The following SDK1 variants were observed in gnomAD, a reference collection of about 807,000 sequenced individuals.
SDK1 encodes the protein protein sidekick-1.
SDK1 carries 157 observed loss-of-function variants against 245.5 expected under a neutral mutation model. That is an observed-to-expected ratio of 0.64 (90% CI 0.56 to 0.73). The LOEUF is 0.73. SDK1 is among the 30% of genes least tolerant of loss of function. SDK1 has a pLI of 0.00. For synonymous variants in SDK1, 1,647 were observed against 1,278.5 expected (o/e 1.29, Z -6.15); for missense variants, 3,583 against 3,002.3 (o/e 1.19, Z -4.52).
At chr7:3,640,600 T>C (rs1412485560) in intron 3 of SDK1, among the ~76,000 whole-genome samples, 2 of 152,226 alleles carry the variant, frequency 1.3e-5, no homozygotes, top group East Asian at 3.8e-4. Context: ...TAAGAAGAGC[T>C]TCAAAATTAT....
Position 3,951,940 on chromosome 7 carries a change from G to C in SDK1, c.1150+20G>C. The C allele has an allele frequency of 1.9e-6, 3 of 1,604,190 alleles. No homozygotes were observed. The highest frequency in any genetic ancestry group is 2.5e-6 in the Non-Finnish European group (3 of 1,177,214). The stretch of plus-strand genomic sequence containing the variant: ...TCATAGGTAATGCGGGAGCCTCTAA[G>C]TGGTGTTGCCAGCATCTCAGATAGC... On this transcript the variant is annotated intron_variant, in intron 7 of 44. Transcript: ENST00000404826.
At chr7:4,246,310 C>G (rs1169791507) in intron 44 of SDK1, among the ~76,000 whole-genome samples, 3 of 152,062 alleles carry the variant, frequency 2.0e-5, no homozygotes, top group Non-Finnish European at 4.4e-5. Flanking sequence ...TCATGTAGTC[C>G]CGGGGTAACT....
intron 4 of SDK1, among the ~76,000 whole-genome samples, chr7:3,701,261 T>C (rs1393684032): frequency 6.6e-6 from 1 of 152,202 alleles, no homozygotes; most frequent in Non-Finnish European, 1.5e-5. Flanking sequence ...TGTTGAAAAC[T>C]ACAAAATACC....
chr7:4,141,176 A>C (rs1471996247), intron 28 of SDK1, among the ~76,000 whole-genome samples: 1 of 152,226 alleles, frequency 6.6e-6, no homozygotes, highest in Non-Finnish European at 1.5e-5. Flanking sequence ...GGGCAAGTGC[A>C]TAACCACATG....
intron 5 of SDK1, among the ~76,000 whole-genome samples, chr7:3,889,146 G>C (rs971729376): frequency 6.6e-6 from 1 of 152,230 alleles, no homozygotes; most frequent in African/African-American, 2.4e-5. Flanking sequence ...GAGACTGAAA[G>C]TGATATCTAA....
intron 1 of SDK1, among the ~76,000 whole-genome samples, chr7:3,347,025 C>T (rs892364762): frequency 1.3e-5 from 2 of 151,028 alleles, no homozygotes; most frequent in Admixed American, 1.3e-4. Context: ...GAGAGAGTTT[C>T]ACTTCATACA....
At chr7:3,988,916 C>T (rs1009307880) in intron 14 of SDK1, among the ~76,000 whole-genome samples, 4 of 152,254 alleles carry the variant, frequency 2.6e-5, no homozygotes, top group East Asian at 1.9e-4. Context: ...GGACTACAGG[C>T]ACCTGCCACC....
chr7:3,700,221 G>T (rs186594079), intron 4 of SDK1, among the ~76,000 whole-genome samples: 1 of 152,044 alleles, frequency 6.6e-6, no homozygotes, highest in Admixed American at 6.5e-5. Context: ...CTCCATAAAC[G>T]ATTTTTTATT....
In SDK1 at chr7:3,761,041, A is replaced by G. The variant is rs376207534; in HGVS notation, c.714-60409A>G. On this transcript the variant is annotated intron_variant, in intron 4 of 44. Transcript: ENST00000404826. The stretch of plus-strand genomic sequence containing the variant: ...AATTTTTTGGGAACTTACATTTTCA[A>G]TTCACTTGAGTTAGATACGTAGGAG... 9.2e-5 allele frequency among the ~76,000 whole-genome samples: 14 copies of G among 152,166 alleles called. 1 individual carries two copies. Among genetic ancestry groups the G allele is most frequent in the East Asian group, 3.8e-4 (2 of 5,198 alleles).
intron 4 of SDK1, among the ~76,000 whole-genome samples, chr7:3,685,980 CTAA>C (rs1562370544): frequency 1.3e-5 from 2 of 151,922 alleles, no homozygotes; most frequent in African/African-American, 2.4e-5. Flanking sequence ...AAAAAATGAC[CTAA>C]TAATATACTG....
At chr7:4,082,922 T>A (rs934152442) in intron 22 of SDK1, among the ~76,000 whole-genome samples, 1 of 152,134 alleles carries the variant, frequency 6.6e-6, no homozygotes, top group Admixed American at 6.5e-5. Context: ...CACCTGGCAA[T>A]TTGAACATTT....
intron 1 of SDK1, among the ~76,000 whole-genome samples, chr7:3,476,270 C>T (rs1781345341): frequency 6.6e-6 from 1 of 152,158 alleles, no homozygotes; most frequent in Non-Finnish European, 1.5e-5. Flanking sequence ...TTGAACATTA[C>T]ACAGGATTCC....
chr7:4,132,171 G>T (rs1784870657), intron 27 of SDK1, among the ~76,000 whole-genome samples, 154 bp from the exon 28 acceptor site: 1 of 152,102 alleles, frequency 6.6e-6, no homozygotes, highest in Admixed American at 6.6e-5. Flanking sequence ...CATTCCAAAA[G>T]TCATCAGTCC....
intron 25 of SDK1, among the ~76,000 whole-genome samples, chr7:4,122,337 G>T (rs1784119241): frequency 6.6e-6 from 1 of 152,174 alleles, no homozygotes. Flanking sequence ...GATGAGATGG[G>T]GAGGTGAAGG....
chr7:3,543,553 C>T (rs1419351075), intron 1 of SDK1, among the ~76,000 whole-genome samples: 2 of 152,184 alleles, frequency 1.3e-5, no homozygotes, highest in African/African-American at 4.8e-5. Flanking sequence ...AAGGATGACA[C>T]ATAGCCACAT....
chr7:3,919,321 G>C (rs1779504430), intron 5 of SDK1, among the ~76,000 whole-genome samples: 1 of 152,036 alleles, frequency 6.6e-6, no homozygotes, highest in Non-Finnish European at 1.5e-5. Flanking sequence ...AGCCCGTGTG[G>C]GTGTCCCAGT....
At chr7:3,755,170 C>G (rs1036585587) in intron 4 of SDK1, among the ~76,000 whole-genome samples, 30 of 152,156 alleles carry the variant, frequency 2.0e-4, no homozygotes, top group African/African-American at 7.0e-4. Context: ...CCAGCTCACT[C>G]TGATTGGAGG....
At chr7:3,870,336 C>G (rs968571218) in intron 5 of SDK1, among the ~76,000 whole-genome samples, 8 of 151,922 alleles carry the variant, frequency 5.3e-5, no homozygotes, top group Non-Finnish European at 8.8e-5. Flanking sequence ...GGGAACTGAC[C>G]TTATGTGTCA....
intron 4 of SDK1, among the ~76,000 whole-genome samples, chr7:3,810,760 G>T (rs1315444568): frequency 6.6e-6 from 1 of 152,110 alleles, no homozygotes; most frequent in African/African-American, 2.4e-5. Context: ...ATAAACACAT[G>T]TGGAGAAAAG....
Sources: allele counts gnomAD v4.1 joint callset (sites outside exome capture counted in the v4.1 genomes callset), GRCh38; gene constraint gnomAD v4.1.1; transcripts MANE v1.5; gene names NCBI Gene and HGNC (gene_info 2026-07-23, HGNC 2026-07-21).